Variants in CNTNAP2 observed in about 807,000 individuals in gnomAD.
The protein encoded by CNTNAP2 is contactin-associated protein-like 2.
CNTNAP2 carries 98 observed loss-of-function variants against 155.2 expected under a neutral mutation model. That is an observed-to-expected ratio of 0.63 (90% CI 0.54 to 0.75). The LOEUF (loss-of-function observed/expected upper bound fraction) is 0.75. CNTNAP2 is among the 30% of genes least tolerant of loss of function. The probability of loss-of-function intolerance (pLI) is 0.00; values close to 1 mark genes in which losing one functional copy is unlikely to be tolerated. For missense variants in CNTNAP2, 1,727 were observed against 1,688.1 expected (o/e 1.02, Z -0.40); for synonymous variants, 651 against 631.2 (o/e 1.03, Z -0.47).
intron 8 of CNTNAP2, among the ~76,000 whole-genome samples, chr7:147,281,728 A>T (rs1805039578): frequency 1.3e-5 from 2 of 151,884 alleles, no homozygotes; most frequent in African/African-American, 4.8e-5. Flanking sequence ...TATATTCAAG[A>T]AGAATATTTC....
chr7:148,243,665 C>G (rs1796200441), intron 20 of CNTNAP2, among the ~76,000 whole-genome samples: 1 of 152,098 alleles, frequency 6.6e-6, no homozygotes, highest in East Asian at 1.9e-4. Flanking sequence ...AAAGACTGGC[C>G]CCCATGATTC....
intron 21 of CNTNAP2, among the ~76,000 whole-genome samples, chr7:148,362,783 C>T (rs1426334295): frequency 1.3e-5 from 2 of 152,154 alleles, no homozygotes; most frequent in Non-Finnish European, 1.5e-5. Context: ...CTCACTCCAG[C>T]CCCATGTTTC....
intron 1 of CNTNAP2, among the ~76,000 whole-genome samples, chr7:146,322,104 C>G (rs1801014171): frequency 1.3e-5 from 2 of 152,100 alleles, no homozygotes; most frequent in Non-Finnish European, 2.9e-5. Context: ...ACAAAGGGAT[C>G]TGGAGTGGGT....
At chr7:147,684,876 T>C (rs1322047950) in intron 13 of CNTNAP2, among the ~76,000 whole-genome samples, 1 of 151,586 alleles carries the variant, frequency 6.6e-6, no homozygotes, top group East Asian at 1.9e-4. Context: ...TATCTTATGA[T>C]TTATCACAAA....
intron 3 of CNTNAP2, among the ~76,000 whole-genome samples, chr7:146,947,589 A>T (rs1247733370): frequency 2.1e-5 from 3 of 140,886 alleles, no homozygotes; most frequent in African/African-American, 8.0e-5. Flanking sequence ...ATATATATAT[A>T]TATATATATG....
chr7:147,694,832 A>G (rs1179847079), intron 13 of CNTNAP2, among the ~76,000 whole-genome samples: 1 of 151,956 alleles, frequency 6.6e-6, no homozygotes, highest in African/African-American at 2.4e-5. Flanking sequence ...CAATTTTATT[A>G]CTTTGTGCTC....
At chr7:146,659,574 G>T (rs747735165) in intron 1 of CNTNAP2, among the ~76,000 whole-genome samples, 5 of 152,106 alleles carry the variant, frequency 3.3e-5, no homozygotes, top group Non-Finnish European at 5.9e-5. Context: ...GGCAGCTAAT[G>T]TTCCTTAAAA....
chr7:146,842,047 TA>T (rs972589530), intron 3 of CNTNAP2, among the ~76,000 whole-genome samples: 28 of 41,502 alleles, frequency 6.7e-4, no homozygotes, highest in African/African-American at 1.9e-3. Context: ...CATGCCTGGC[TA>T]ATTTTTTTTT....
chr7:148,400,837 G>C (rs145716529), intron 22 of CNTNAP2, among the ~76,000 whole-genome samples: 5 of 152,010 alleles, frequency 3.3e-5, no homozygotes, highest in African/African-American at 1.2e-4. Context: ...AAAATTAGCC[G>C]GGCATGGTGG....
intron 11 of CNTNAP2, among the ~76,000 whole-genome samples, chr7:147,533,336 T>G (rs1176299271): frequency 6.6e-6 from 1 of 152,190 alleles, no homozygotes; most frequent in Non-Finnish European, 1.5e-5. Flanking sequence ...TATGTTTACA[T>G]AAGTCTCTAC....
At chr7:146,328,023 C>A (rs1428824370) in intron 1 of CNTNAP2, among the ~76,000 whole-genome samples, 3 of 152,190 alleles carry the variant, frequency 2.0e-5, no homozygotes, top group Non-Finnish European at 4.4e-5. Context: ...GCGGCCTCAA[C>A]CCTTGGGCCA....
intron 1 of CNTNAP2, among the ~76,000 whole-genome samples, chr7:146,340,179 A>AG (rs1348934876): frequency 1.3e-5 from 2 of 149,686 alleles, no homozygotes; most frequent in Non-Finnish European, 3.0e-5. Flanking sequence ...AAAAAAAAAA[A>AG]AAAAAAAAAA....
At chr7:146,668,755 A>T (rs2642524) in intron 1 of CNTNAP2, among the ~76,000 whole-genome samples, 7,476 of 152,040 alleles carry the variant, frequency 0.049, 668 homozygotes, top group African/African-American at 0.17. Flanking sequence ...ATTTATCCAC[A>T]TCCTCTAGGT....
At chr7:146,628,532 T>C (rs73470654) in intron 1 of CNTNAP2, among the ~76,000 whole-genome samples, 5,286 of 152,192 alleles carry the variant, frequency 0.035, 314 homozygotes, top group African/African-American at 0.12. Context: ...AATGCATATG[T>C]TAAATAGCTG....
chr7:147,907,837 A>C (rs564598395), intron 14 of CNTNAP2, among the ~76,000 whole-genome samples: 22 of 152,240 alleles, frequency 1.4e-4, no homozygotes, highest in Middle Eastern at 3.4e-3. Flanking sequence ...GCTGAGGTAC[A>C]GTAGTGTGAT....
At chr7:147,514,487 C>G (rs756968970) in intron 11 of CNTNAP2, among the ~76,000 whole-genome samples, 1 of 151,524 alleles carries the variant, frequency 6.6e-6, no homozygotes, top group East Asian at 1.9e-4. Context: ...AACATAAGAG[C>G]CTGAAAACTA....
chr7:146,679,257 C>T (rs1419629999), intron 1 of CNTNAP2, among the ~76,000 whole-genome samples: 1 of 151,680 alleles, frequency 6.6e-6, no homozygotes, highest in Non-Finnish European at 1.5e-5. Flanking sequence ...AGAACAGAGG[C>T]AGTGTTTGGT....
chr7:148,298,236 A>G (rs970282133), intron 21 of CNTNAP2, among the ~76,000 whole-genome samples: 3 of 152,268 alleles, frequency 2.0e-5, no homozygotes, highest in African/African-American at 7.2e-5. Context: ...GATGGTGGGG[A>G]GGAGAGTAGA....
At chr7:147,489,276 C>T (rs1798564188) in intron 11 of CNTNAP2, among the ~76,000 whole-genome samples, 1 of 152,128 alleles carries the variant, frequency 6.6e-6, no homozygotes, top group Non-Finnish European at 1.5e-5. Context: ...CCTGAGGAGC[C>T]AGGATGTCTC....
Sources: gnomAD v4.1 joint callset for allele counts (sites outside exome capture counted in the v4.1 genomes callset) on GRCh38, gnomAD v4.1.1 for gene constraint, MANE v1.5 for transcripts, NCBI Gene and HGNC (gene_info 2026-07-23, HGNC 2026-07-21) for gene names.